Variants in XRCC4 observed in about 807,000 individuals in gnomAD.
XRCC4 encodes DNA repair protein XRCC4.
In XRCC4, 28 loss-of-function variants were observed where a neutral mutation model predicts 39.1. That is an observed-to-expected ratio of 0.72 (90% confidence interval 0.53 to 0.98). The LOEUF (loss-of-function observed/expected upper bound fraction) is 0.98. XRCC4 is among the 50% of genes least tolerant of loss of function. XRCC4 has a pLI of 0.00. For synonymous variants in XRCC4, 123 were observed against 126.4 expected (o/e 0.97, Z 0.18); for missense variants, 350 against 376.4 (o/e 0.93, Z 0.58).
chr5:83,297,396 GTAGAGAAGT>G (rs1755132504), intron 7 of XRCC4, among the ~76,000 whole-genome samples: 1 of 151,948 alleles, frequency 6.6e-6, no homozygotes, highest in African/African-American at 2.4e-5. Flanking sequence ...TATGAGGATT[GTAGAGAAGT>G]TAGAGAAGTT....
chr5:83,284,520 T>G (rs1754669541), intron 7 of XRCC4, among the ~76,000 whole-genome samples: 1 of 152,124 alleles, frequency 6.6e-6, no homozygotes, highest in African/African-American at 2.4e-5. Flanking sequence ...TTAAATATTT[T>G]TAAATGTCAT....
At chr5:83,362,283 T>C in the XRCC4 span, among the ~76,000 whole-genome samples, 1 of 123,016 alleles carries the variant, frequency 8.1e-6, no homozygotes, top group Non-Finnish European at 1.6e-5. Flanking sequence ...TCTGTCCAAG[T>C]GCTATTTAGG....
At chr5:83,311,840 T>C (rs757403242) in intron 7 of XRCC4, among the ~76,000 whole-genome samples, 2 of 152,098 alleles carry the variant, frequency 1.3e-5, no homozygotes, top group East Asian at 3.8e-4. Context: ...ATAAAGGCTA[T>C]TTATTAAATA....
the XRCC4 span, among the ~76,000 whole-genome samples, chr5:83,370,164 T>C: frequency 1.3e-5 from 2 of 152,176 alleles, no homozygotes; most frequent in Non-Finnish European, 1.5e-5. Flanking sequence ...TCCTAAACTT[T>C]CCTTGACAAC....
intron 6 of XRCC4, among the ~76,000 whole-genome samples, chr5:83,231,649 A>T (rs1233932940): frequency 6.6e-6 from 1 of 152,100 alleles, no homozygotes; most frequent in Non-Finnish European, 1.5e-5. Flanking sequence ...GCACTGTCAC[A>T]TTGCTAAACA....
At chr5:83,181,877 G>T (rs769608096) in intron 3 of XRCC4, among the ~76,000 whole-genome samples, 1 of 152,182 alleles carries the variant, frequency 6.6e-6, no homozygotes, top group Non-Finnish European at 1.5e-5. Flanking sequence ...AAATGTGCCT[G>T]TAGCGCCAGG....
At chr5:83,356,564 C>T (rs1048947234), downstream of XRCC4, among the ~76,000 whole-genome samples, 2 of 152,106 alleles carry the variant, frequency 1.3e-5, no homozygotes, top group Admixed American at 6.6e-5. Flanking sequence ...ACATAATAAG[C>T]CTATAATCTT....
At chr5:83,242,116 C>T (rs1170887257) in intron 6 of XRCC4, among the ~76,000 whole-genome samples, 1 of 150,870 alleles carries the variant, frequency 6.6e-6, no homozygotes, top group African/African-American at 2.4e-5. Flanking sequence ...ATAAATGGAT[C>T]CTCACAGTTC....
intron 3 of XRCC4, among the ~76,000 whole-genome samples, chr5:83,112,613 G>A (rs1304308747): frequency 6.6e-6 from 1 of 152,124 alleles, no homozygotes; most frequent in Non-Finnish European, 1.5e-5. Context: ...CCCAAGGCTG[G>A]GTAATTTATA....
intron 3 of XRCC4, 103 bp from the exon 4 acceptor site, chr5:83,195,666 CT>C: frequency 8.9e-7 from 1 of 1,128,620 alleles, no homozygotes; most frequent in Non-Finnish European, 1.2e-6. Flanking sequence ...TATTTAAATC[CT>C]TCTTACACTT....
chr5:83,167,795 G>A (rs1006251833), intron 3 of XRCC4, among the ~76,000 whole-genome samples: 1 of 152,170 alleles, frequency 6.6e-6, no homozygotes, highest in African/African-American at 2.4e-5. Context: ...CTGCACAGAT[G>A]AGAATCTTAT....
intron 7 of XRCC4, among the ~76,000 whole-genome samples, chr5:83,312,873 T>G (rs1755752120): frequency 6.6e-6 from 1 of 152,140 alleles, no homozygotes. Flanking sequence ...GAGGAACTGA[T>G]TTTTCTTAGT....
chr5:83,264,328 TA>T (rs1561441737), intron 7 of XRCC4, among the ~76,000 whole-genome samples: 3 of 152,126 alleles, frequency 2.0e-5, no homozygotes. Context: ...ACATAGAGTT[TA>T]GGCAATATTC....
chr5:83,239,506 G>A (rs1471396557), intron 6 of XRCC4, among the ~76,000 whole-genome samples: 5 of 152,178 alleles, frequency 3.3e-5, no homozygotes, highest in South Asian at 2.1e-4. Flanking sequence ...GACATTCCAG[G>A]TAGAGAGAAT....
chr5:83,305,995 C>T (rs144420831), intron 7 of XRCC4, among the ~76,000 whole-genome samples: 314 of 152,250 alleles, frequency 2.1e-3, no homozygotes, highest in Non-Finnish European at 3.9e-3. Flanking sequence ...TTTATCAAGT[C>T]AGGAAAGTAT....
At chr5:83,330,903 A>G (rs1045641830) in intron 7 of XRCC4, among the ~76,000 whole-genome samples, 2 of 147,130 alleles carry the variant, frequency 1.4e-5, no homozygotes, top group African/African-American at 5.4e-5. Flanking sequence ...TGACTAACAT[A>G]GGCAAACAGT....
chr5:83,141,123 T>C (rs1227462638), intron 3 of XRCC4, among the ~76,000 whole-genome samples: 1 of 152,248 alleles, frequency 6.6e-6, no homozygotes, highest in Non-Finnish European at 1.5e-5. Context: ...AATCACTCCA[T>C]ATCAGCTCAT....
intron 6 of XRCC4, among the ~76,000 whole-genome samples, chr5:83,213,630 G>A (rs1251718285): frequency 2.0e-5 from 3 of 152,058 alleles, no homozygotes; most frequent in African/African-American, 7.2e-5. Context: ...GTTTTCTATT[G>A]AAAATTTAAT....
chr5:83,159,047 A>C (rs1299620816), intron 3 of XRCC4, among the ~76,000 whole-genome samples: 1 of 152,112 alleles, frequency 6.6e-6, no homozygotes, highest in Non-Finnish European at 1.5e-5. Context: ...CCTATAGTGT[A>C]AGTTTTGTGG....
Sources: allele counts gnomAD v4.1 joint callset (sites outside exome capture counted in the v4.1 genomes callset), GRCh38; gene constraint gnomAD v4.1.1; transcripts MANE v1.5; gene names NCBI Gene and HGNC (gene_info 2026-07-23, HGNC 2026-07-21).